PANK4: variants seen among roughly 807,000 people sequenced by gnomAD.
The protein encoded by PANK4 is 4'-phosphopantetheine phosphatase.
In PANK4, 40 loss-of-function variants were observed where a neutral mutation model predicts 87.9. The observed-to-expected ratio is 0.46, with a 90% CI of 0.35 to 0.59. The LOEUF is 0.59. Among genes scored for constraint, PANK4 ranks in the 20% least tolerant of loss-of-function variants. The pLI is 0.00. For synonymous variants in PANK4, 524 were observed against 467.4 expected (o/e 1.12, Z -1.56); for missense variants, 926 against 1,072.3 (o/e 0.86, Z 1.90).
rs1643828048 is a variant in PANK4 at position 2,518,599 on chromosome 1, TGCCGTG to T, written c.1036-8_1036-3del. 1 of 1,564,884 alleles carries T rather than the reference TGCCGTG, an allele frequency of 6.4e-7. No individual in the cohort carries two copies. The highest frequency in any genetic ancestry group is 1.4e-5 in the African/African-American group (1 of 73,698). On this transcript the variant is annotated splice_polypyrimidine_tract_variant and splice_region_variant and intron_variant, in intron 7 of 18. Coordinates refer to ENST00000378466, the MANE Select transcript of PANK4 (RefSeq NM_018216.4). Reference sequence around the variant, plus strand: ...CAGAAACAGCGCCTGCACTTCCCCCTGCCGTGGCCAAAGCACACGTGCTGCTGTTGG... The same window carrying T: ...CAGAAACAGCGCCTGCACTTCCCCCTGCCAAAGCACACGTGCTGCTGTTGG...
rs766901040 is a variant in PANK4, at chr1:2,519,110, G to A, written c.1035+33C>T. The A allele has an allele frequency of 2.5e-5, 40 of 1,592,450 alleles. No individual in the cohort carries two copies. The highest frequency in any genetic ancestry group is 2.2e-4 in the East Asian group (10 of 44,666). On this transcript the variant is annotated intron_variant, in intron 7 of 18. Transcript: ENST00000378466. This position sits in a 1 kb window ranked among gnomAD's most constrained non-coding sequence, Gnocchi z 8.3. ...ATTGGGAAGATCCTGGGGGGTCTGC[G>A]TTAGAGGCTGGGGAGGGCGGCGCAT...
intron 14 of PANK4, 104 bp from the exon 15 acceptor site, chr1:2,511,491 C>A: frequency 9.0e-7 from 1 of 1,105,494 alleles, no homozygotes; most frequent in Admixed American, 1.7e-5. Flanking sequence ...GTTCTCCCCG[C>A]CCCCGAAGCC....
rs1405635625 is a variant in PANK4 at position 2,509,776 on chromosome 1, T to TG, written c.2108+85dup. ...GCCGCAGGGGCAGTCCTGAGGTCGG[T>TG]GTCCCGCATGCACCTGGGTGCAGGT... On this transcript the variant is annotated intron_variant, in intron 18 of 18. Coordinates refer to ENST00000378466, the MANE Select transcript of PANK4 (RefSeq NM_018216.4). This position sits in a 1 kb window ranked among gnomAD's most constrained non-coding sequence, Gnocchi z 4.9. 15 of 1,197,836 alleles carry TG rather than the reference T, an allele frequency of 1.3e-5. No homozygotes were observed. Among genetic ancestry groups the TG allele is most frequent in the Non-Finnish European group, 1.7e-5 (14 of 815,844 alleles). 74.2% of individuals were successfully genotyped at this position (1,197,836 alleles called of 1,614,324 possible). A position where few individuals can be genotyped will look rare whatever the true frequency, so the allele number is the denominator to read the frequency against.
chr1:2,519,922 C>T lies in PANK4; in HGVS notation c.732G>A (p.Arg244=), dbSNP rs1214800355. 1.3e-6 allele frequency: 2 copies of T among 1,565,418 alleles called. No individual in the cohort carries two copies. Among genetic ancestry groups the T allele is most frequent in the East Asian group, 2.3e-5 (1 of 42,672 alleles). Residue 244 remains arginine, a synonymous_variant, in exon 6 of 19, where the codon AGG becomes AGA. Transcript: ENST00000378466. The surrounding 1 kb of genome is among the most constrained non-coding windows in gnomAD (Gnocchi z 8.3). ...KFDELLHLAS[R]GQHSNVDMLV... ...GCATGTCCACATTGCTGTGCTGGCCCCTCGAGGCCAGGTGCAGGAGCTCGT... is the reference window on the plus strand; with the variant it reads ...GCATGTCCACATTGCTGTGCTGGCCTCTCGAGGCCAGGTGCAGGAGCTCGT...
Position 2,520,315 on chromosome 1 carries a change from C to G in PANK4, c.699+7G>C. ...CCCCTGGAAGGTCTCTGGCAGCTGC[C>G]GCATACCTTCGTTTTGGTGAGCAGA... On this transcript the variant is annotated splice_region_variant and intron_variant, in intron 5 of 18. Transcript: ENST00000378466. The surrounding 1 kb of genome is among the most constrained non-coding windows in gnomAD (Gnocchi z 6.2). The G allele has an allele frequency of 1.1e-5, 17 of 1,611,684 alleles. No homozygotes were observed. The highest frequency in any genetic ancestry group is 1.4e-5 in the Non-Finnish European group (17 of 1,178,878).
chr1:2,511,428 A>AGGTCAGG, intron 14 of PANK4, 41 bp from the exon 15 acceptor site: 3 of 1,495,858 alleles, frequency 2.0e-6, no homozygotes, highest in African/African-American at 1.4e-5. Context: ...CCGGTGCTCC[A>AGGTCAGG]GGTCAGGGGT....
At chr1:2,516,564 C>T (rs1218361421) in intron 9 of PANK4, among the ~76,000 whole-genome samples, 1 of 152,220 alleles carries the variant, frequency 6.6e-6, no homozygotes, top group African/African-American at 2.4e-5. Flanking sequence ...GGCTACCCCA[C>T]AGGTCACATG....
intron 1 of PANK4, among the ~76,000 whole-genome samples, chr1:2,522,350 A>C (rs1335461967): frequency 6.6e-6 from 1 of 152,196 alleles, no homozygotes; most frequent in Non-Finnish European, 1.5e-5. Context: ...CAGAAAATGC[A>C]GCCCCAGCCC....
chr1:2,524,128 C>T (rs987978777), intron 1 of PANK4, among the ~76,000 whole-genome samples: 8 of 152,214 alleles, frequency 5.3e-5, no homozygotes, highest in Non-Finnish European at 8.8e-5. Context: ...CCCCACAGCC[C>T]GCAGAAACCT....
intron 13 of PANK4, chr1:2,512,513 CT>C: frequency 4.7e-6 from 1 of 213,942 alleles, no homozygotes; most frequent in Non-Finnish European, 9.3e-6. Context: ...GTCTAGGGGA[CT>C]GCTTTGCAAA....
chr1:2,522,558 T>C (rs1237679782), intron 1 of PANK4, among the ~76,000 whole-genome samples: 1 of 152,176 alleles, frequency 6.6e-6, no homozygotes, highest in African/African-American at 2.4e-5. Flanking sequence ...AAGAAGGCCT[T>C]TTCAAGGACA....
chr1:2,519,060 C>T lies in PANK4; in HGVS notation c.1035+83G>A. 7.6e-7 allele frequency: 1 copy of T among 1,308,540 alleles called. No individual in the cohort carries two copies. The highest frequency in any genetic ancestry group is 1.1e-6 in the Non-Finnish European group (1 of 929,574). 81.1% of individuals were successfully genotyped at this position (1,308,540 alleles called of 1,614,324 possible). A position where few individuals can be genotyped will look rare whatever the true frequency, so the allele number is the denominator to read the frequency against. ...CACCCTCCAGGCCTCCCTGGGGGTG[C>T]TGCGGTGTCTAACCAGCATGACTGA... On this transcript the variant is annotated intron_variant, in intron 7 of 18. Transcript: ENST00000378466. The surrounding 1 kb of genome is among the most constrained non-coding windows in gnomAD (Gnocchi z 8.3).
rs578094839 is a variant in PANK4 at position 2,509,774 on chromosome 1, G to A, written c.2108+88C>T. 5 of 1,168,280 alleles carry A rather than the reference G, an allele frequency of 4.3e-6. No homozygotes were observed. Among genetic ancestry groups the A allele is most frequent in the African/African-American group, 1.5e-5 (1 of 66,620 alleles). The allele number at this position is 1,168,280 out of a possible 1,614,324, so 72.4% of individuals were successfully genotyped here. A position where few individuals can be genotyped will look rare whatever the true frequency, so the allele number is the denominator to read the frequency against. On this transcript the variant is annotated intron_variant, in intron 18 of 18. Transcript: ENST00000378466. The surrounding 1 kb of genome is among the most constrained non-coding windows in gnomAD (Gnocchi z 4.9). ...AGGCCGCAGGGGCAGTCCTGAGGTC[G>A]GTGTCCCGCATGCACCTGGGTGCAG...
rs1557444954 is a variant in PANK4 at position 2,519,348 on chromosome 1, C to T, written c.854-24G>A. 1.9e-6 allele frequency: 3 copies of T among 1,580,204 alleles called. No homozygotes were observed. The highest frequency in any genetic ancestry group is 1.4e-5 in the African/African-American group (1 of 73,866). On this transcript the variant is annotated intron_variant, in intron 6 of 18. Transcript: ENST00000378466. This position sits in a 1 kb window ranked among gnomAD's most constrained non-coding sequence, Gnocchi z 8.3. ...CTCTGAGGAAGGGAAGGAAAAGGCA[C>T]TCATCTCCAAGTACAGCAAGTGCAC... is the stretch of plus-strand genomic sequence containing the variant.
chr1:2,517,409 GCGGC>G (rs959688214), intron 9 of PANK4, among the ~76,000 whole-genome samples: 19 of 152,370 alleles, frequency 1.2e-4, no homozygotes, highest in African/African-American at 4.3e-4. Context: ...AACAATGCCA[GCGGC>G]CTGTCCTGAG....
chr1:2,509,729 T>G lies in PANK4; in HGVS notation c.2108+133A>C. 1 of 751,090 alleles carries G rather than the reference T, an allele frequency of 1.3e-6. No homozygotes were observed. 46.5% of individuals were successfully genotyped at this position (751,090 alleles called of 1,614,324 possible). ...CATATCTGTCCCCTCCTGAGATCAA[T>G]CCGGGCCTGGGGTCAGGAGAGGCCG... On this transcript the variant is annotated intron_variant, in intron 18 of 18. Coordinates refer to ENST00000378466, the MANE Select transcript of PANK4 (RefSeq NM_018216.4). The surrounding 1 kb of genome is among the most constrained non-coding windows in gnomAD (Gnocchi z 4.9).
chr1:2,512,770 C>A (rs1643684829), intron 13 of PANK4, 118 bp downstream of exon 13: 1 of 1,028,036 alleles, frequency 9.7e-7, no homozygotes, highest in Non-Finnish European at 1.5e-6. Flanking sequence ...CCTGAGCCAC[C>A]AAGCCACCAA....
chr1:2,520,893 C>T lies in PANK4; in HGVS notation c.436G>A (p.Asp146Asn). Reference protein sequence around the residue: ...EKLRLKVDKEDVMTCLIKGCN... With the variant: ...EKLRLKVDKENVMTCLIKGCN... ...CCCTTAATCAGGCACGTCATCACGT[C>T]CTCCTTGTCGACTCTGAAAAGGAAG... The change falls in exon 4 of 19, where the codon GAC becomes AAC. Residue 146 changes from aspartate (D) to asparagine (N), a missense_variant. Physicochemically the swap from Asp to Asn is conservative, Grantham distance 23 (BLOSUM62 1). Coordinates refer to ENST00000378466, the MANE Select transcript of PANK4 (RefSeq NM_018216.4). The surrounding 1 kb of genome is among the most constrained non-coding windows in gnomAD (Gnocchi z 6.2). 1 of 1,551,982 alleles carries T rather than the reference C, an allele frequency of 6.4e-7. No individual in the cohort carries two copies. The highest frequency in any genetic ancestry group is 8.7e-7 in the Non-Finnish European group (1 of 1,150,266).
rs1189529668 is a variant in PANK4, at chr1:2,518,093, A to G, written c.1218+71T>C. Reference sequence around the variant, plus strand: ...GGGACAGCCACAAGAGGCTTCGCTCAGGGACAGGCGAGGTGAGTGCGGCAT... The same window carrying G: ...GGGACAGCCACAAGAGGCTTCGCTCGGGGACAGGCGAGGTGAGTGCGGCAT... On this transcript the variant is annotated intron_variant, in intron 9 of 18. Coordinates refer to ENST00000378466, the MANE Select transcript of PANK4 (RefSeq NM_018216.4). 1.4e-5 allele frequency: 13 copies of G among 912,916 alleles called. No individual in the cohort carries two copies. The African/African-American group carries it at 2.0e-4, about 14-fold the overall frequency. The allele number at this position is 912,916 out of a possible 1,614,324, so 56.6% of individuals were successfully genotyped here. A position where few individuals can be genotyped will look rare whatever the true frequency, so the allele number is the denominator to read the frequency against.
Sources: gnomAD v4.1 joint callset for allele counts (sites outside exome capture counted in the v4.1 genomes callset) on GRCh38, gnomAD v4.1.1 for gene constraint, Gnocchi (gnomAD v3.1) non-coding constraint, MANE v1.5 for transcripts, NCBI Gene and HGNC (gene_info 2026-07-23, HGNC 2026-07-21) for gene names.